Variants in SH3RF1 observed in about 807,000 individuals in gnomAD.
SH3RF1 encodes the protein E3 ubiquitin-protein ligase SH3RF1.
In SH3RF1, 32 loss-of-function variants were observed where a neutral mutation model predicts 74.0. The observed-to-expected ratio is 0.43, with a 90% CI of 0.33 to 0.58. The LOEUF (loss-of-function observed/expected upper bound fraction) is 0.58, where lower values mean the gene tolerates loss of function less well. SH3RF1 is among the 20% of genes least tolerant of loss of function. The probability of loss-of-function intolerance (pLI) is 0.05; values close to 1 mark genes in which losing one functional copy is unlikely to be tolerated. For missense variants in SH3RF1, 954 were observed against 1,130.9 expected (o/e 0.84, Z 2.24); for synonymous variants, 396 against 439.6 (o/e 0.90, Z 1.24).
At chr4:169,166,404 G>A (rs1323574177) in intron 2 of SH3RF1, 2 of 161,626 alleles carry the variant, frequency 1.2e-5, no homozygotes, top group African/African-American at 2.4e-5. Context: ...CTCCACTGTG[G>A]CCAAAATCCT....
At chr4:169,247,188 A>G (rs1218660233) in intron 2 of SH3RF1, among the ~76,000 whole-genome samples, 1 of 152,226 alleles carries the variant, frequency 6.6e-6, no homozygotes, top group Non-Finnish European at 1.5e-5. Context: ...AGGACAGTGG[A>G]GAGGGTCAAG....
rs1734363242 is a variant in SH3RF1, at chr4:169,173,308, A to G, written c.394-16629T>C. Among the ~76,000 whole-genome samples the G allele has an allele frequency of 3.3e-5, 5 of 152,218 alleles. No homozygotes were observed. In the South Asian group the frequency reaches 1.0e-3, roughly 32 times the overall value. ...ATTAAGATATTCAGTTGCACCAAAT[A>G]ATTGACTCAGGCACCTTAACAAAAT... is the stretch of plus-strand genomic sequence containing the variant. On this transcript the variant is annotated intron_variant, in intron 2 of 11. Coordinates refer to ENST00000284637, the MANE Select transcript of SH3RF1 (RefSeq NM_020870.4).
chr4:169,236,558 G>A (rs1413940643), intron 2 of SH3RF1, among the ~76,000 whole-genome samples: 1 of 152,118 alleles, frequency 6.6e-6, no homozygotes, highest in East Asian at 1.9e-4. Context: ...CTCTATGTCT[G>A]CTTCCTCACC....
chr4:169,187,342 G>A (rs1157286905), intron 2 of SH3RF1, among the ~76,000 whole-genome samples: 3 of 152,056 alleles, frequency 2.0e-5, no homozygotes, highest in African/African-American at 7.2e-5. Flanking sequence ...TAAGATGCAC[G>A]TCACCATGCT....
intron 7 of SH3RF1, among the ~76,000 whole-genome samples, chr4:169,121,664 C>T (rs1315043825): frequency 6.6e-6 from 1 of 152,128 alleles, no homozygotes; most frequent in Non-Finnish European, 1.5e-5. Context: ...ATGCAGGATC[C>T]ACGAAGACCT....
chr4:169,130,234 C>A, intron 5 of SH3RF1, 78 bp from the exon 6 acceptor site: 2 of 1,011,996 alleles, frequency 2.0e-6, no homozygotes. Flanking sequence ...CTTAGAAAGG[C>A]AAGTCACATT....
At position 169,161,543 on chromosome 4, in the gene SH3RF1, C is replaced by A. The variant is rs150403954; in HGVS notation, c.394-4864G>T. On this transcript the variant is annotated intron_variant, in intron 2 of 11. Coordinates refer to ENST00000284637, the MANE Select transcript of SH3RF1 (RefSeq NM_020870.4). Reference sequence around the variant, plus strand: ...TAACAGGTAAATAAAACATTCACTGCCAATTTATTTTATAGACTCTAAATG... The same window carrying A: ...TAACAGGTAAATAAAACATTCACTGACAATTTATTTTATAGACTCTAAATG... Among the ~76,000 whole-genome samples the A allele has an allele frequency of 3.6e-3, 545 of 152,288 alleles. 1 individual carries two copies. Among genetic ancestry groups the A allele is most frequent in the African/African-American group, 0.012 (508 of 41,558 alleles).
intron 2 of SH3RF1, among the ~76,000 whole-genome samples, chr4:169,258,443 C>T (rs911699811): frequency 1.3e-5 from 2 of 152,090 alleles, no homozygotes; most frequent in South Asian, 4.1e-4. Context: ...ATATTTCAGA[C>T]TTGTTTTACA....
intron 2 of SH3RF1, among the ~76,000 whole-genome samples, chr4:169,180,506 A>G (rs781326875): frequency 5.3e-5 from 8 of 152,214 alleles, no homozygotes; most frequent in Non-Finnish European, 1.2e-4. Flanking sequence ...TCAAAGCAAA[A>G]GTGCGGAAAG....
intron 2 of SH3RF1, among the ~76,000 whole-genome samples, chr4:169,266,008 C>T (rs191661120): frequency 1.2e-3 from 177 of 152,298 alleles, no homozygotes; most frequent in African/African-American, 4.0e-3. Flanking sequence ...CAGTGTCCCT[C>T]TCCCTATGGC....
chr4:169,196,903 A>G (rs1734821836), intron 2 of SH3RF1, among the ~76,000 whole-genome samples: 1 of 152,176 alleles, frequency 6.6e-6, no homozygotes, highest in African/African-American at 2.4e-5. Flanking sequence ...GTTAATCTCT[A>G]TTTTTAAGTC....
intron 4 of SH3RF1, among the ~76,000 whole-genome samples, chr4:169,153,796 T>G (rs1734009680): frequency 6.6e-6 from 1 of 152,202 alleles, no homozygotes; most frequent in African/African-American, 2.4e-5. Flanking sequence ...AATGCTCATT[T>G]GAAAGAAAAG....
At chr4:169,260,627 A>T (rs1731261985) in intron 2 of SH3RF1, among the ~76,000 whole-genome samples, 1 of 152,140 alleles carries the variant, frequency 6.6e-6, no homozygotes, top group Non-Finnish European at 1.5e-5. Context: ...TTTCCCTCGG[A>T]TTTTCCTTTT....
At chr4:169,266,556 A>T (rs1731359530) in intron 2 of SH3RF1, among the ~76,000 whole-genome samples, 1 of 150,394 alleles carries the variant, frequency 6.6e-6, no homozygotes, top group African/African-American at 2.4e-5. Context: ...GACTGTTCTG[A>T]ATATTTGAAA....
At position 169,131,370 on chromosome 4, in the gene SH3RF1, T is replaced by C. The variant is rs559573671; in HGVS notation, c.1069-1214A>G. On this transcript the variant is annotated intron_variant, in intron 5 of 11. Coordinates refer to ENST00000284637, the MANE Select transcript of SH3RF1 (RefSeq NM_020870.4). ...CTCCCCAAACCCAGTTTCTTCCTTT[T>C]CTTCTTCTCCTCATTATTTTTTATT... 5.3e-5 allele frequency among the ~76,000 whole-genome samples: 8 copies of C among 152,298 alleles called. No homozygotes were observed. The South Asian group carries it at 1.7e-3, about 32-fold the overall frequency.
At chr4:169,263,729 A>G (rs1237064637) in intron 2 of SH3RF1, among the ~76,000 whole-genome samples, 1 of 152,204 alleles carries the variant, frequency 6.6e-6, no homozygotes, top group Non-Finnish European at 1.5e-5. Flanking sequence ...GGTACTACTG[A>G]GTCCTGGAAA....
chr4:169,107,928 C>G (rs553180113), intron 10 of SH3RF1, among the ~76,000 whole-genome samples: 1 of 152,216 alleles, frequency 6.6e-6, no homozygotes, highest in East Asian at 1.9e-4. Flanking sequence ...TCTCTTTTTG[C>G]AAGCAAATAT....
At chr4:169,124,893 C>T (rs913456766) in intron 6 of SH3RF1, among the ~76,000 whole-genome samples, 5 of 152,222 alleles carry the variant, frequency 3.3e-5, no homozygotes, top group Admixed American at 6.5e-5. Flanking sequence ...TAAAACCACA[C>T]GTAGCCTTTC....
At chr4:169,145,593 T>A (rs1328838181) in intron 4 of SH3RF1, among the ~76,000 whole-genome samples, 3 of 147,692 alleles carry the variant, frequency 2.0e-5, no homozygotes, top group Non-Finnish European at 4.5e-5. Context: ...TCATATATAA[T>A]AATGGTCATA....
Sources: allele counts gnomAD v4.1 joint callset (sites outside exome capture counted in the v4.1 genomes callset), GRCh38; gene constraint gnomAD v4.1.1; transcripts MANE v1.5; gene names NCBI Gene and HGNC (gene_info 2026-07-23, HGNC 2026-07-21).